PHACTR1: variants seen among roughly 807,000 people sequenced by gnomAD.
PHACTR1 encodes the protein RPEL repeat containing 1.
PHACTR1 carries 16 observed loss-of-function variants against 69.2 expected under a neutral mutation model. The ratio of observed to expected loss-of-function variants is 0.23; its 90% CI spans 0.16 to 0.35. The LOEUF (loss-of-function observed/expected upper bound fraction) is 0.35. Ranked by LOEUF, PHACTR1 falls within the 10% of genes least tolerant of loss-of-function variation. The probability of loss-of-function intolerance (pLI) is 1.00; values close to 1 mark genes in which losing one functional copy is unlikely to be tolerated. For synonymous variants in PHACTR1, 312 were observed against 284.5 expected (o/e 1.10, Z -0.97); for missense variants, 510 against 734.7 (o/e 0.69, Z 3.54).
At chr6:12,766,129 G>T (rs183411150) in intron 4 of PHACTR1, among the ~76,000 whole-genome samples, 90 of 152,150 alleles carry the variant, frequency 5.9e-4, no homozygotes, top group South Asian at 4.2e-4. Context: ...TTCTGAAAAC[G>T]ATACCTGAAC....
intron 4 of PHACTR1, among the ~76,000 whole-genome samples, chr6:13,004,489 T>C (rs1798540704): frequency 6.6e-6 from 1 of 152,186 alleles, no homozygotes; most frequent in Admixed American, 6.5e-5. Context: ...TTTGTCGTTG[T>C]TATTGTTATT....
At chr6:13,198,478 C>T (rs866231370) in intron 7 of PHACTR1, among the ~76,000 whole-genome samples, 1 of 152,124 alleles carries the variant, frequency 6.6e-6, no homozygotes, top group Admixed American at 6.5e-5. Context: ...CTATGCCACA[C>T]GGTTTATGTA....
rs561062138 is a variant in PHACTR1, at chr6:13,190,117, G to T, written c.664+7431G>T. The stretch of plus-strand genomic sequence containing the variant: ...TGGCTCCCTGCAACCTCCACCTCCT[G>T]GGTTCAAGTGATTCTCCTGCCTCAG... On this transcript the variant is annotated intron_variant, in intron 7 of 14. Coordinates refer to ENST00000332995, the MANE Select transcript of PHACTR1 (RefSeq NM_030948.6). Among the ~76,000 whole-genome samples the T allele has an allele frequency of 8.7e-5, 13 of 149,198 alleles. No homozygotes were observed. The East Asian group carries it at 2.2e-3, about 25-fold the overall frequency.
intron 13 of PHACTR1, among the ~76,000 whole-genome samples, chr6:13,284,535 AAAAAAAAAATATATATATATAT>A (rs1190262213): frequency 3.0e-4 from 31 of 104,978 alleles, no homozygotes; most frequent in Admixed American, 1.3e-3. Flanking sequence ...AAAAAAAAAA[AAAAAAAAAATATATATATATAT>A]ATATATATAT....
At chr6:12,721,391 A>C (rs79238509) in intron 3 of PHACTR1, among the ~76,000 whole-genome samples, 2,034 of 152,170 alleles carry the variant, frequency 0.013, 38 homozygotes, top group South Asian at 0.069. Flanking sequence ...CAAAAAAAAA[A>C]ACTTCACAAT....
At chr6:13,151,047 A>G (rs1355927657) in intron 5 of PHACTR1, among the ~76,000 whole-genome samples, 2 of 152,218 alleles carry the variant, frequency 1.3e-5, no homozygotes, top group Non-Finnish European at 1.5e-5. Context: ...TGCATTTGTC[A>G]CTTGTAGATT....
At chr6:12,802,945 A>G (rs1773881865) in intron 4 of PHACTR1, among the ~76,000 whole-genome samples, 2 of 152,334 alleles carry the variant, frequency 1.3e-5, no homozygotes, top group South Asian at 2.1e-4. Context: ...TGAATGACAA[A>G]AGTGGCAAGA....
intron 8 of PHACTR1, among the ~76,000 whole-genome samples, chr6:13,211,284 CCT>C (rs1209567884): frequency 2.6e-5 from 4 of 152,034 alleles, no homozygotes; most frequent in East Asian, 1.9e-4. Context: ...CACCCCTCCC[CCT>C]GAGTCCCCAA....
At chr6:12,884,692 C>T (rs957171253) in intron 4 of PHACTR1, among the ~76,000 whole-genome samples, 2 of 152,156 alleles carry the variant, frequency 1.3e-5, no homozygotes, top group Non-Finnish European at 2.9e-5. Context: ...TAAGCCACCG[C>T]GCCCGGCCTT....
intron 7 of PHACTR1, among the ~76,000 whole-genome samples, chr6:13,195,268 A>G (rs537862087): frequency 4.6e-5 from 7 of 152,314 alleles, no homozygotes; most frequent in African/African-American, 1.7e-4. Flanking sequence ...CACCATCTTC[A>G]GGTGGAGTAC....
chr6:13,095,779 T>G (rs920178389), intron 5 of PHACTR1, among the ~76,000 whole-genome samples: 5 of 115,706 alleles, frequency 4.3e-5, no homozygotes, highest in Non-Finnish European at 7.2e-5. Context: ...TTTTTTTTTT[T>G]TGTTAGACCA....
chr6:12,997,464 A>AT (rs1055618532), intron 4 of PHACTR1, among the ~76,000 whole-genome samples: 3 of 150,232 alleles, frequency 2.0e-5, no homozygotes, highest in African/African-American at 4.9e-5. Flanking sequence ...TCTGCCTGCC[A>AT]TTTTTTCTAG....
chr6:13,022,283 G>A (rs1312672406), intron 4 of PHACTR1, among the ~76,000 whole-genome samples: 3 of 152,178 alleles, frequency 2.0e-5, no homozygotes, highest in Admixed American at 6.5e-5. Flanking sequence ...GACCTCCGAC[G>A]CCTCTACCTG....
chr6:13,192,855 G>A (rs1763789783), intron 7 of PHACTR1, among the ~76,000 whole-genome samples: 1 of 152,196 alleles, frequency 6.6e-6, no homozygotes, highest in Admixed American at 6.5e-5. Flanking sequence ...GTTGCTGAAG[G>A]AGGAGTTTGA....
At chr6:12,876,363 C>T (rs545497961) in intron 4 of PHACTR1, among the ~76,000 whole-genome samples, 18 of 152,282 alleles carry the variant, frequency 1.2e-4, no homozygotes, top group African/African-American at 4.1e-4. Context: ...TAACAATACT[C>T]AGGTTAATAT....
intron 5 of PHACTR1, among the ~76,000 whole-genome samples, chr6:13,099,095 C>T (rs894542080): frequency 1.9e-4 from 29 of 152,228 alleles, no homozygotes; most frequent in African/African-American, 7.0e-4. Context: ...TCTGTGTTTC[C>T]GGCTCTGTGG....
intron 4 of PHACTR1, among the ~76,000 whole-genome samples, chr6:12,970,002 T>G (rs1247615071): frequency 6.6e-6 from 1 of 152,086 alleles, no homozygotes; most frequent in Non-Finnish European, 1.5e-5. Flanking sequence ...CCACAAATGT[T>G]GAGAACAAAT....
intron 4 of PHACTR1, among the ~76,000 whole-genome samples, chr6:12,877,404 A>G (rs1782639179): frequency 6.6e-6 from 1 of 152,132 alleles, no homozygotes; most frequent in African/African-American, 2.4e-5. Flanking sequence ...TTTTTGAGAT[A>G]ATGCCTCTCC....
chr6:13,130,297 C>G (rs1389568440), intron 5 of PHACTR1, among the ~76,000 whole-genome samples: 1 of 151,198 alleles, frequency 6.6e-6, no homozygotes, highest in African/African-American at 2.4e-5. Context: ...AAAAACAAAA[C>G]AAAACAAAAA....
Sources: allele counts gnomAD v4.1 joint callset (sites outside exome capture counted in the v4.1 genomes callset), GRCh38; gene constraint gnomAD v4.1.1; transcripts MANE v1.5; gene names NCBI Gene and HGNC (gene_info 2026-07-23, HGNC 2026-07-21).